The following SAMD13 variants were observed in gnomAD, a reference collection of about 807,000 sequenced individuals.
SAMD13 encodes sterile alpha motif domain-containing protein 13.
Under a neutral mutation model 12.4 loss-of-function variants are expected in SAMD13, and 9 were observed. That is an observed-to-expected ratio of 0.72 (90% CI 0.44 to 1.26). The LOEUF (loss-of-function observed/expected upper bound fraction) is 1.26, where lower values mean the gene tolerates loss of function less well. SAMD13 is among the 50% of genes most tolerant of loss of function. The pLI is 0.00. For synonymous variants in SAMD13, 46 were observed against 45.4 expected, an observed-to-expected ratio of 1.01 and a Z score of -0.05; for missense variants, 84 against 119.6, an observed-to-expected ratio of 0.70 and a Z score of 1.39.
chr1:84,303,175 A>G (rs757966729), intron 1 of SAMD13, 28 bp from the exon 2 acceptor site: 1 of 1,543,536 alleles, frequency 6.5e-7, no homozygotes, highest in South Asian at 1.1e-5. Context: ...TAAGAATTAA[A>G]CACAAGCTTT....
intron 2 of SAMD13, among the ~76,000 whole-genome samples, chr1:84,306,721 C>T (rs1372852043): frequency 6.8e-6 from 1 of 147,922 alleles, no homozygotes; most frequent in Non-Finnish European, 1.5e-5. Flanking sequence ...ATCCCAGCTA[C>T]TCAGGAGGCT....
intron 2 of SAMD13, among the ~76,000 whole-genome samples, chr1:84,320,328 TAGA>T (rs1228845844): frequency 1.3e-5 from 2 of 152,186 alleles, no homozygotes; most frequent in African/African-American, 4.8e-5. Context: ...TTGGAATATA[TAGA>T]AGGTTTGATG....
At chr1:84,324,562 T>C (rs1260503000) in intron 2 of SAMD13, among the ~76,000 whole-genome samples, 1 of 152,180 alleles carries the variant, frequency 6.6e-6, no homozygotes, top group Admixed American at 6.5e-5. Context: ...CCCACAGGAC[T>C]GTAAGGCCCG....
chr1:84,337,128 GTC>G (rs2101814862), intron 3 of SAMD13, among the ~76,000 whole-genome samples: 1 of 152,300 alleles, frequency 6.6e-6, no homozygotes, highest in African/African-American at 2.4e-5. Context: ...GGTATTGAGT[GTC>G]TGCGGCTTTT....
intron 2 of SAMD13, among the ~76,000 whole-genome samples, chr1:84,320,992 T>C (rs1040143874): frequency 1.3e-5 from 2 of 152,216 alleles, no homozygotes; most frequent in Admixed American, 1.3e-4. Context: ...CAGTTTCAAC[T>C]ATTTTCTGCC....
chr1:84,326,597 C>T (rs765390453), intron 3 of SAMD13, among the ~76,000 whole-genome samples: 14 of 152,146 alleles, frequency 9.2e-5, no homozygotes, highest in Non-Finnish European at 1.8e-4. Flanking sequence ...GTGGTTCACA[C>T]CAGGCCAGTT....
At chr1:84,338,395 A>G (rs2101815839) in intron 3 of SAMD13, among the ~76,000 whole-genome samples, 1 of 151,934 alleles carries the variant, frequency 6.6e-6, no homozygotes, top group South Asian at 2.1e-4. Context: ...GGCAGCAGGC[A>G]AAAAGAGAGA....
At chr1:84,339,418 A>G (rs1033287310) in intron 3 of SAMD13, among the ~76,000 whole-genome samples, 1 of 151,218 alleles carries the variant, frequency 6.6e-6, no homozygotes, top group East Asian at 1.9e-4. Context: ...GTATAAGGTG[A>G]TTGGCTTCAT....
rs774601655 is a variant in SAMD13 at position 84,350,305 on chromosome 1, T to C, written c.*531T>C. The C allele has an allele frequency of 6.6e-5, 10 of 152,506 alleles. No homozygotes were observed. Among genetic ancestry groups the C allele is most frequent in the Non-Finnish European group, 1.0e-4 (7 of 68,264 alleles). The allele number at this position is 152,506 out of a possible 1,614,324, so 9.4% of individuals were successfully genotyped here. A position where few individuals can be genotyped will look rare whatever the true frequency, so the allele number is the denominator to read the frequency against. ...TCCACTTGACCTTATTAAGGTTTTATTGGGATATGCTGCAGTGTTTGAAAT... is the reference window on the plus strand; with the variant it reads ...TCCACTTGACCTTATTAAGGTTTTACTGGGATATGCTGCAGTGTTTGAAAT... On this transcript the variant is annotated 3_prime_UTR_variant, in exon 4 of 4. Coordinates refer to ENST00000394834, the MANE Select transcript of SAMD13 (RefSeq NM_001134663.2).
intron 3 of SAMD13, among the ~76,000 whole-genome samples, chr1:84,338,858 G>A (rs962018037): frequency 3.3e-5 from 5 of 152,170 alleles, no homozygotes; most frequent in Non-Finnish European, 7.4e-5. Context: ...CCCACAACAT[G>A]TGGGAATTCA....
chr1:84,317,434 A>C (rs1277259111), intron 2 of SAMD13, among the ~76,000 whole-genome samples: 2 of 151,848 alleles, frequency 1.3e-5, no homozygotes, highest in African/African-American at 4.8e-5. Flanking sequence ...TTTGAATTTT[A>C]TCAAACACTT....
chr1:84,298,816 T>C (rs560672478), upstream of SAMD13, among the ~76,000 whole-genome samples: 4 of 152,152 alleles, frequency 2.6e-5, no homozygotes, highest in African/African-American at 9.6e-5. Context: ...CTGCTGGCAG[T>C]GCTCGGGGAG....
chr1:84,345,720 C>T (rs1050481662), intron 3 of SAMD13, among the ~76,000 whole-genome samples: 9 of 152,198 alleles, frequency 5.9e-5, no homozygotes, highest in Non-Finnish European at 1.0e-4. Flanking sequence ...TCTGTTCCCA[C>T]CTATTCTTTC....
In SAMD13 at chr1:84,349,813, A is replaced by G. The variant is rs778710375; in HGVS notation, c.*39A>G. Reference sequence around the variant, plus strand: ...GGGTCTTCGACCTCAAAAAATACATAATGACATAATTTAGTTTCATGTAAT... The same window carrying G: ...GGGTCTTCGACCTCAAAAAATACATGATGACATAATTTAGTTTCATGTAAT... On this transcript the variant is annotated 3_prime_UTR_variant, in exon 4 of 4. Coordinates refer to ENST00000394834, the MANE Select transcript of SAMD13 (RefSeq NM_001134663.2). 6.3e-7 allele frequency: 1 copy of G among 1,582,168 alleles called. No homozygotes were observed. Among genetic ancestry groups the G allele is most frequent in the Non-Finnish European group, 8.6e-7 (1 of 1,164,876 alleles).
intron 2 of SAMD13, among the ~76,000 whole-genome samples, chr1:84,318,963 A>G (rs989985910): frequency 2.0e-5 from 3 of 152,228 alleles, no homozygotes; most frequent in African/African-American, 7.2e-5. Flanking sequence ...TAAACATATT[A>G]AAACATCGTA....
At chr1:84,309,427 A>G (rs973126769) in intron 2 of SAMD13, among the ~76,000 whole-genome samples, 65 of 152,186 alleles carry the variant, frequency 4.3e-4, no homozygotes, top group Admixed American at 1.8e-3. Context: ...TGACTGTGAT[A>G]AATGCTACCT....
chr1:84,336,243 C>CT (rs1281827568), intron 3 of SAMD13, among the ~76,000 whole-genome samples: 2 of 152,094 alleles, frequency 1.3e-5, no homozygotes, highest in African/African-American at 2.4e-5. Context: ...TTTGTTCATT[C>CT]TTTTTAAATT....
At chr1:84,304,774 C>T (rs1163717914) in intron 2 of SAMD13, among the ~76,000 whole-genome samples, 1 of 151,980 alleles carries the variant, frequency 6.6e-6, no homozygotes, top group Non-Finnish European at 1.5e-5. Flanking sequence ...CCCGCCCCCA[C>T]ACACACACAT....
chr1:84,303,288 G>T lies in SAMD13; in HGVS notation c.53+1G>T, dbSNP rs748933731. 2.4e-5 allele frequency: 38 copies of T among 1,611,234 alleles called. No homozygotes were observed. The highest frequency in any genetic ancestry group is 3.1e-5 in the Non-Finnish European group (36 of 1,177,828). On this transcript the variant is annotated splice_donor_variant, in intron 2 of 3. Coordinates refer to ENST00000394834, the MANE Select transcript of SAMD13 (RefSeq NM_001134663.2). LOFTEE classifies it high-confidence loss of function. ...AAAATGGCTCTGTCGGTGTAAAAAA[G>T]TAAGTGAAGCTGGCTTCTGAGTTCT...
Sources: allele counts gnomAD v4.1 joint callset (sites outside exome capture counted in the v4.1 genomes callset), GRCh38; gene constraint gnomAD v4.1.1; transcripts MANE v1.5; gene names NCBI Gene and HGNC (gene_info 2026-07-23, HGNC 2026-07-21).